Variants in SLC9A9 observed in about 807,000 individuals in gnomAD.
SLC9A9 encodes sodium/hydrogen exchanger 9.
Under a neutral mutation model 77.8 loss-of-function variants are expected in SLC9A9, and 62 were observed. That is an observed-to-expected ratio of 0.80 (90% CI 0.65 to 0.98). SLC9A9 has a LOEUF of 0.98. SLC9A9 is among the 50% of genes least tolerant of loss of function. The pLI is 0.00. For missense variants in SLC9A9, 775 were observed against 774.9 expected (o/e 1.00, Z 0.00); for synonymous variants, 320 against 283.5 (o/e 1.13, Z -1.29).
intron 14 of SLC9A9, among the ~76,000 whole-genome samples, chr3:143,292,005 C>T (rs550816333): frequency 6.6e-6 from 1 of 152,326 alleles, no homozygotes; most frequent in South Asian, 2.1e-4. Context: ...CCATATAGCC[C>T]TGTGCTCTGA....
rs73159821 is a variant in SLC9A9 at position 143,834,754 on chromosome 3, T to C, written c.176-2533A>G. On this transcript the variant is annotated intron_variant, in intron 1 of 15. Coordinates refer to ENST00000316549, the MANE Select transcript of SLC9A9 (RefSeq NM_173653.4). Reference sequence around the variant, plus strand: ...ACCTAAATGGCCCTGACTATCCCTCTGCACTAGCTCTGGCCTCATTGTTCG... The same window carrying C: ...ACCTAAATGGCCCTGACTATCCCTCCGCACTAGCTCTGGCCTCATTGTTCG... Among the ~76,000 whole-genome samples the C allele has an allele frequency of 6.1e-3, 928 of 152,250 alleles. 3 individuals carry two copies. The highest frequency in any genetic ancestry group is 0.026 in the South Asian group (126 of 4,824).
intron 6 of SLC9A9, among the ~76,000 whole-genome samples, chr3:143,603,521 C>T (rs1404656471): frequency 6.6e-6 from 1 of 152,192 alleles, no homozygotes; most frequent in East Asian, 1.9e-4. Flanking sequence ...TCTTGTGCAG[C>T]CCTGTAGAGA....
chr3:143,530,105 C>G (rs1275064550), intron 9 of SLC9A9, among the ~76,000 whole-genome samples: 4 of 152,142 alleles, frequency 2.6e-5, no homozygotes, highest in Non-Finnish European at 5.9e-5. Flanking sequence ...GGAAGGGATA[C>G]CTGGCTTTGA....
intron 9 of SLC9A9, among the ~76,000 whole-genome samples, chr3:143,516,779 G>C (rs1012161558): frequency 2.0e-5 from 3 of 152,110 alleles, no homozygotes; most frequent in African/African-American, 7.2e-5. Flanking sequence ...AAAATATGCT[G>C]AGAGTAAATT....
intron 6 of SLC9A9, among the ~76,000 whole-genome samples, chr3:143,618,454 T>G (rs1001709536): frequency 3.9e-5 from 6 of 152,154 alleles, no homozygotes; most frequent in African/African-American, 1.4e-4. Context: ...CAGGGCCCAA[T>G]GTTCATTCCA....
At chr3:143,305,873 A>C (rs2030758145) in intron 14 of SLC9A9, among the ~76,000 whole-genome samples, 1 of 152,182 alleles carries the variant, frequency 6.6e-6, no homozygotes, top group Non-Finnish European at 1.5e-5. Flanking sequence ...GGCTTGTCTC[A>C]ATTTCTCAGC....
At chr3:143,627,636 T>C (rs915554371) in intron 6 of SLC9A9, 2 of 268,482 alleles carry the variant, frequency 7.4e-6, no homozygotes, top group African/African-American at 2.3e-5. Context: ...CCCAAAGGAC[T>C]GTGCTGTACA....
chr3:143,376,912 C>T (rs959156373), intron 13 of SLC9A9, among the ~76,000 whole-genome samples: 3 of 152,176 alleles, frequency 2.0e-5, no homozygotes, highest in Non-Finnish European at 4.4e-5. Context: ...TATTCTATTT[C>T]TGAAATATTC....
chr3:143,731,959 C>T (rs1273117886), intron 4 of SLC9A9, among the ~76,000 whole-genome samples: 3 of 152,342 alleles, frequency 2.0e-5, no homozygotes, highest in African/African-American at 7.2e-5. Flanking sequence ...TGTTCAGCTA[C>T]TGCAATATGT....
At chr3:143,601,332 T>A (rs1420278063) in intron 6 of SLC9A9, among the ~76,000 whole-genome samples, 2 of 152,156 alleles carry the variant, frequency 1.3e-5, no homozygotes, top group African/African-American at 4.8e-5. Flanking sequence ...CACCCCCAAA[T>A]TTAAAATAAT....
chr3:143,448,587 G>A (rs2034889112), intron 12 of SLC9A9, among the ~76,000 whole-genome samples: 1 of 151,680 alleles, frequency 6.6e-6, no homozygotes, highest in African/African-American at 2.4e-5. Flanking sequence ...TTACATTGCT[G>A]GTGTTTAAGT....
intron 14 of SLC9A9, among the ~76,000 whole-genome samples, chr3:143,272,119 G>A (rs1578252554): frequency 1.3e-5 from 2 of 152,132 alleles, no homozygotes; most frequent in Admixed American, 1.3e-4. Flanking sequence ...GTTATCAGGT[G>A]GAGGGGACCT....
In SLC9A9 at chr3:143,382,130, A is replaced by C. The variant is rs753414495; in HGVS notation, c.1470-16T>G. Reference sequence around the variant, plus strand: ...CACGCCAACTCTGTTAAACAAAACCAAAAACTGGTCAATCCCCTGCTGCAG... The same window carrying C: ...CACGCCAACTCTGTTAAACAAAACCCAAAACTGGTCAATCCCCTGCTGCAG... On this transcript the variant is annotated splice_polypyrimidine_tract_variant and intron_variant, in intron 12 of 15. Coordinates refer to ENST00000316549, the MANE Select transcript of SLC9A9 (RefSeq NM_173653.4). 6.2e-7 allele frequency: 1 copy of C among 1,613,970 alleles called. No individual in the cohort carries two copies. The highest frequency in any genetic ancestry group is 8.5e-7 in the Non-Finnish European group (1 of 1,179,844).
chr3:143,437,419 G>A (rs1013336183), intron 12 of SLC9A9, among the ~76,000 whole-genome samples: 1 of 152,240 alleles, frequency 6.6e-6, no homozygotes, highest in Non-Finnish European at 1.5e-5. Context: ...AGTGGACACA[G>A]GATGGCTAGA....
intron 3 of SLC9A9, among the ~76,000 whole-genome samples, chr3:143,795,929 G>A (rs2008372735): frequency 6.6e-6 from 1 of 150,880 alleles, no homozygotes; most frequent in African/African-American, 2.4e-5. Flanking sequence ...AGCCAGACCT[G>A]ACAGCAAGAG....
At position 143,571,274 on chromosome 3, in the gene SLC9A9, C is replaced by T. The variant is rs560964651; in HGVS notation, c.1000+2814G>A. Reference sequence around the variant, plus strand: ...CTCATAAACTATTTAATAGCTCTTTCCATTTTAGTTTACTGTATTCATTGT... The same window carrying T: ...CTCATAAACTATTTAATAGCTCTTTTCATTTTAGTTTACTGTATTCATTGT... On this transcript the variant is annotated intron_variant, in intron 8 of 15. Transcript: ENST00000316549. Among the ~76,000 whole-genome samples, 86 of 152,244 alleles carry T rather than the reference C, an allele frequency of 5.6e-4. 1 individual carries two copies. In the South Asian group the frequency reaches 0.017, roughly 30 times the overall value.
chr3:143,552,586 C>T (rs989856209), intron 8 of SLC9A9, 136 bp from the exon 9 acceptor site: 4 of 704,986 alleles, frequency 5.7e-6, no homozygotes, highest in Non-Finnish European at 9.9e-6. Flanking sequence ...GATAATGCAA[C>T]CTAGGTAAAT....
chr3:143,328,257 G>A (rs1320375676), intron 14 of SLC9A9, among the ~76,000 whole-genome samples: 1 of 152,190 alleles, frequency 6.6e-6, no homozygotes, highest in East Asian at 1.9e-4. Flanking sequence ...GGGACATATG[G>A]AGTATATGGC....
chr3:143,318,049 A>G (rs2031286942), intron 14 of SLC9A9, among the ~76,000 whole-genome samples: 1 of 152,018 alleles, frequency 6.6e-6, no homozygotes, highest in Non-Finnish European at 1.5e-5. Context: ...TTCTCTCCCC[A>G]TCCCAATCTG....
Sources: allele counts gnomAD v4.1 joint callset (sites outside exome capture counted in the v4.1 genomes callset), GRCh38; gene constraint gnomAD v4.1.1; transcripts MANE v1.5; gene names NCBI Gene and HGNC (gene_info 2026-07-23, HGNC 2026-07-21).